The following EXOC2 variants were observed in gnomAD, a reference collection of about 807,000 sequenced individuals.
EXOC2 encodes the protein exocyst complex component 2.
Under a neutral mutation model 131.8 loss-of-function variants are expected in EXOC2, and 70 were observed. The observed-to-expected ratio is 0.53, with a 90% CI of 0.44 to 0.65. The LOEUF is 0.65. EXOC2 is among the 30% of genes least tolerant of loss of function. EXOC2 has a pLI of 0.00. For synonymous variants in EXOC2, 411 were observed against 398.4 expected, an observed-to-expected ratio of 1.03 and a Z score of -0.38; for missense variants, 923 against 1,108.6, an observed-to-expected ratio of 0.83 and a Z score of 2.38.
intron 16 of EXOC2, 150 bp downstream of exon 16, chr6:563,883 T>C: frequency 8.7e-7 from 1 of 1,150,148 alleles, no homozygotes; most frequent in Non-Finnish European, 1.2e-6. Flanking sequence ...GAAAAAACAC[T>C]TATTGAGCAG....
chr6:658,023 T>C (rs1033405541), intron 1 of EXOC2, among the ~76,000 whole-genome samples: 3 of 152,164 alleles, frequency 2.0e-5, no homozygotes, highest in African/African-American at 7.2e-5. Flanking sequence ...ACTTCTAGGG[T>C]CATGCTTTCA....
At chr6:549,343 T>C (rs372467760) in intron 21 of EXOC2, 52 bp from the exon 22 acceptor site, 10 of 1,297,670 alleles carry the variant, frequency 7.7e-6, no homozygotes, top group African/African-American at 1.5e-5. Context: ...CCAGAGAGAA[T>C]AGCTGATTAA....
At chr6:627,316 C>G (rs557129715) in intron 4 of EXOC2, among the ~76,000 whole-genome samples, 1 of 150,236 alleles carries the variant, frequency 6.7e-6, no homozygotes, top group Admixed American at 6.6e-5. Context: ...CTCTTGGTTT[C>G]TACACCTATT....
At position 491,161 on chromosome 6, in the gene EXOC2, C is replaced by T. The variant is rs1763408803; in HGVS notation, c.2585G>A (p.Arg862Lys). The change falls in exon 26 of 28, where the codon AGG (arginine) becomes AAG (lysine). Residue 862 changes from arginine to lysine, a missense_variant. Transcript: ENST00000230449. ...TGTCAGGTAAACAGCCACAGTGTCC[C>T]TCAAAGCACAGATTTCAAGTCTCGC... ...LQARLEICAL[R>K]DTVAVYLTPE... is the part of the protein sequence containing the mutation. 1 of 1,614,138 alleles carries T rather than the reference C, an allele frequency of 6.2e-7. No individual in the cohort carries two copies.
chr6:550,289 T>C (rs902201944), intron 21 of EXOC2, among the ~76,000 whole-genome samples: 4 of 152,230 alleles, frequency 2.6e-5, no homozygotes, highest in Non-Finnish European at 5.9e-5. Flanking sequence ...TGGAAAGAGC[T>C]TCCTATTTTT....
chr6:526,209 T>G (rs775725925), intron 23 of EXOC2, among the ~76,000 whole-genome samples: 38 of 152,130 alleles, frequency 2.5e-4, no homozygotes, highest in Non-Finnish European at 4.0e-4. Context: ...CGGAATAGTT[T>G]TTTTCTCTGT....
intron 11 of EXOC2, among the ~76,000 whole-genome samples, chr6:577,375 T>C (rs141288235): frequency 6.6e-6 from 1 of 152,096 alleles, no homozygotes; most frequent in Non-Finnish European, 1.5e-5. Flanking sequence ...ACACTTCATA[T>C]GCCAGAAGCC....
At position 567,680 on chromosome 6, in the gene EXOC2, TTG is replaced by T. The variant is rs768137738; in HGVS notation, c.1444-2753_1444-2752del. Among the ~76,000 whole-genome samples, 18 of 152,094 alleles carry T rather than the reference TTG, an allele frequency of 1.2e-4. No homozygotes were observed. In the South Asian group the frequency reaches 2.1e-3, roughly 18 times the overall value. ...GTGTACATGATGTGTTGTGTGTCTG[TTG>T]TGTGTGTGCATGCATACATGTGCAT... On this transcript the variant is annotated intron_variant, in intron 13 of 27. Coordinates refer to ENST00000230449, the MANE Select transcript of EXOC2 (RefSeq NM_018303.6).
intron 11 of EXOC2, among the ~76,000 whole-genome samples, chr6:579,782 C>T (rs1234421390): frequency 6.6e-6 from 1 of 151,838 alleles, no homozygotes; most frequent in East Asian, 1.9e-4. Flanking sequence ...AAACAAACAA[C>T]TTGATAATTC....
At position 598,135 on chromosome 6, in the gene EXOC2, G is replaced by A. The variant is rs757551831; in HGVS notation, c.971-12C>T. ...TACTTCAGCATAATCTATTTAAAAA[G>A]AAAAGAATACACAAGATTTACAGAA... On this transcript the variant is annotated splice_polypyrimidine_tract_variant and intron_variant, in intron 9 of 27. Transcript: ENST00000230449. 5 of 1,569,086 alleles carry A rather than the reference G, an allele frequency of 3.2e-6. No individual in the cohort carries two copies. The highest frequency in any genetic ancestry group is 4.4e-6 in the Non-Finnish European group (5 of 1,147,424).
At chr6:527,472 A>G (rs772724059) in intron 23 of EXOC2, among the ~76,000 whole-genome samples, 13 of 152,180 alleles carry the variant, frequency 8.5e-5, no homozygotes, top group Admixed American at 2.6e-4. Context: ...TTAGACTTAC[A>G]TTTTCTTTCT....
intron 22 of EXOC2, among the ~76,000 whole-genome samples, chr6:548,668 GC>G (rs1232068164): frequency 6.6e-6 from 1 of 152,196 alleles, no homozygotes; most frequent in East Asian, 1.9e-4. Flanking sequence ...TGAGCCAGCG[GC>G]TGTGTGTGCA....
chr6:518,480 A>T (rs12200425), intron 23 of EXOC2, among the ~76,000 whole-genome samples: 73,073 of 152,198 alleles, frequency 0.48, 20,200 homozygotes, highest in South Asian at 0.71. Flanking sequence ...ATCAATTTAA[A>T]ACATAATAAA....
At chr6:512,406 A>G (rs1020265894) in intron 23 of EXOC2, among the ~76,000 whole-genome samples, 3 of 152,206 alleles carry the variant, frequency 2.0e-5, no homozygotes, top group Admixed American at 6.5e-5. Flanking sequence ...TGAGTAGTAA[A>G]TGTATTTTCC....
intron 9 of EXOC2, among the ~76,000 whole-genome samples, chr6:598,409 A>C (rs899843575): frequency 3.9e-5 from 6 of 152,212 alleles, no homozygotes; most frequent in African/African-American, 1.4e-4. Flanking sequence ...TCATTTTTAA[A>C]TTTAATAAGG....
chr6:516,211 T>C (rs748492467), intron 23 of EXOC2, among the ~76,000 whole-genome samples: 1 of 152,146 alleles, frequency 6.6e-6, no homozygotes, highest in Non-Finnish European at 1.5e-5. Flanking sequence ...AATCAAGTGG[T>C]TTTGTTCTAG....
chr6:614,054 A>G (rs1420882809), intron 6 of EXOC2, among the ~76,000 whole-genome samples: 2 of 152,200 alleles, frequency 1.3e-5, no homozygotes, highest in Non-Finnish European at 2.9e-5. Context: ...ATATCATGTT[A>G]TTATGCACCA....
At chr6:559,420 A>C (rs75527470) in intron 17 of EXOC2, among the ~76,000 whole-genome samples, 2,975 of 152,306 alleles carry the variant, frequency 0.02, 71 homozygotes, top group African/African-American at 0.052. Flanking sequence ...CACGCGGAAT[A>C]GCTAAAAAAC....
chr6:630,218 C>A (rs1761776198), intron 3 of EXOC2, among the ~76,000 whole-genome samples: 1 of 152,082 alleles, frequency 6.6e-6, no homozygotes, highest in Non-Finnish European at 1.5e-5. Context: ...ACAGAGAAGA[C>A]AAATTAAGCT....
Sources: gnomAD v4.1 joint callset for allele counts (sites outside exome capture counted in the v4.1 genomes callset) on GRCh38, gnomAD v4.1.1 for gene constraint, MANE v1.5 for transcripts, NCBI Gene and HGNC (gene_info 2026-07-23, HGNC 2026-07-21) for gene names.